PRSS22: variants seen among roughly 807,000 people sequenced by gnomAD.
The protein encoded by PRSS22 is brain-specific serine protease 4.
PRSS22 carries 26 observed loss-of-function variants against 28.0 expected under a neutral mutation model. That is an observed-to-expected ratio of 0.93 (90% CI 0.68 to 1.29). The LOEUF (loss-of-function observed/expected upper bound fraction) is 1.29, where lower values mean the gene tolerates loss of function less well. Among genes scored for constraint, PRSS22 ranks in the 50% most tolerant of loss-of-function variants. The probability of loss-of-function intolerance (pLI) is 0.00; values close to 1 mark genes in which losing one functional copy is unlikely to be tolerated. For missense variants in PRSS22, 444 were observed against 422.1 expected, an observed-to-expected ratio of 1.05 and a Z score of -0.46; for synonymous variants, 217 against 177.9, an observed-to-expected ratio of 1.22 and a Z score of -1.75.
intron 1 of PRSS22, 112 bp downstream of exon 1, chr16:2,857,911 G>T: frequency 1.3e-6 from 1 of 744,492 alleles, no homozygotes; most frequent in Non-Finnish European, 1.8e-6. Flanking sequence ...AAACAGAGCA[G>T]AAGCGGAAAG....
In PRSS22 at chr16:2,855,696, C is replaced by T. The variant is rs546187548; in HGVS notation, c.437G>A (p.Arg146His). 1.1e-4 allele frequency: 181 copies of T among 1,614,222 alleles called. 2 individuals carry two copies. The East Asian group carries it at 1.9e-3, about 17-fold the overall frequency. The change falls in exon 4 of 6, where the codon CGT (arginine) becomes CAT (histidine). Residue 146 changes from arginine to histidine, a missense_variant. Arg to His is a conservative substitution (Grantham distance 29, BLOSUM62 0). Coordinates refer to ENST00000161006, the MANE Select transcript of PRSS22 (RefSeq NM_022119.4). ...EGACADIALV[R>H]LERSIQFSER... ...TGAGAACTGTATGGAGCGCTCGAGA[C>T]GCACCAGGGCAATGTCTGCACAGGC...
At chr16:2,856,525 G>T (rs141809443) in intron 2 of PRSS22, among the ~76,000 whole-genome samples, 344 of 151,840 alleles carry the variant, frequency 2.3e-3, no homozygotes, top group Non-Finnish European at 3.8e-3. Context: ...TCCTCACCTG[G>T]CCCTGGCCTT....
In PRSS22 at chr16:2,853,577, T is replaced by C. The variant is rs1433002610; in HGVS notation, c.718-248A>G. Among the ~76,000 whole-genome samples the C allele has an allele frequency of 6.6e-6, 1 of 152,198 alleles. No individual in the cohort carries two copies. The highest frequency in any genetic ancestry group is 1.5e-5 in the Non-Finnish European group (1 of 68,024). ...ATCTGACCGTCTTCCAGACAGCCCC[T>C]GAGCTACAGCTGGCTCTGGGCACTG... On this transcript the variant is annotated intron_variant, in intron 5 of 5. Coordinates refer to ENST00000161006, the MANE Select transcript of PRSS22 (RefSeq NM_022119.4). This position sits in a 1 kb window ranked among gnomAD's most constrained non-coding sequence, Gnocchi z 4.6.
In PRSS22 at chr16:2,853,328, C is replaced by T; in HGVS notation, c.719G>A (p.Gly240Asp). 1 of 1,594,776 alleles carries T rather than the reference C, an allele frequency of 6.3e-7. No homozygotes were observed. Among genetic ancestry groups the T allele is most frequent in the Admixed American group, 1.7e-5 (1 of 59,356 alleles). Residue 240 changes from glycine to aspartate, a missense_variant and splice_region_variant, in exon 6 of 6, where the codon GGC (glycine) becomes GAC (aspartate). Gly to Asp is a moderately conservative substitution (Grantham distance 94). Transcript: ENST00000161006. This position sits in a 1 kb window ranked among gnomAD's most constrained non-coding sequence, Gnocchi z 4.6. The stretch of plus-strand genomic sequence containing the variant: ...GCACATGAGGGGGCCCCCGGAGTCG[C>T]CCTGCAGAGAGGAGGCGAGGTTAGG... ...YLEGERDACL[G>D]DSGGPLMCQV... is the part of the protein sequence containing the mutation.
intron 1 of PRSS22, chr16:2,857,713 C>G: frequency 3.8e-6 from 1 of 262,116 alleles, no homozygotes; most frequent in Admixed American, 5.5e-5. Context: ...CAACACAAAA[C>G]GGTGCTTCCC....
Position 2,856,069 on chromosome 16 carries a change from C to G in PRSS22, c.281+13G>C, listed in dbSNP as rs374618225. 1 of 1,611,190 alleles carries G rather than the reference C, an allele frequency of 6.2e-7. No individual in the cohort carries two copies. Among genetic ancestry groups the G allele is most frequent in the Non-Finnish European group, 8.5e-7 (1 of 1,178,026 alleles). On this transcript the variant is annotated intron_variant, in intron 3 of 5. Transcript: ENST00000161006. ...CCTTAGAAGATCAAGTGCCCCAGGCCGGCTGTACATACTCCTTGAAACAGT... is the reference window on the plus strand; with the variant it reads ...CCTTAGAAGATCAAGTGCCCCAGGCGGGCTGTACATACTCCTTGAAACAGT...
chr16:2,853,144 AC>A lies in PRSS22; in HGVS notation c.902del (p.Gly301ValfsTer113), dbSNP rs1321112076. ...CCTGGCTCGGTGCCCTGAGGGCCCC[AC>A]CCCCCTGAGCGCGCCCGCGGAGCTG... ...GVQLRGRAQG[G>X]GALRAPSQGS... On this transcript the variant is annotated frameshift_variant, in exon 6 of 6. Transcript: ENST00000161006. LOFTEE classifies it low-confidence loss of function (END_TRUNC). This position sits in a 1 kb window ranked among gnomAD's most constrained non-coding sequence, Gnocchi z 4.6. The A allele has an allele frequency of 3.8e-6, 6 of 1,597,068 alleles. No individual in the cohort carries two copies. Among genetic ancestry groups the A allele is most frequent in the African/African-American group, 1.3e-5 (1 of 74,704 alleles).
chr16:2,856,455 T>C (rs113072074), intron 2 of PRSS22, among the ~76,000 whole-genome samples: 1 of 151,570 alleles, frequency 6.6e-6, no homozygotes, highest in East Asian at 1.9e-4. Context: ...GCTCCACCCA[T>C]ACCCCAAGCT....
In PRSS22 at chr16:2,852,796, T is replaced by G; in HGVS notation, c.*297A>C. On this transcript the variant is annotated 3_prime_UTR_variant, in exon 6 of 6. Coordinates refer to ENST00000161006, the MANE Select transcript of PRSS22 (RefSeq NM_022119.4). ...ATATGTGGGCAGGGTTACAAATACC[T>G]ATAAAAATCATTAACATTTATATAC... 2.4e-6 allele frequency: 1 copy of G among 421,320 alleles called. No homozygotes were observed. Among genetic ancestry groups the G allele is most frequent in the Non-Finnish European group, 4.2e-6 (1 of 239,174 alleles). The allele number at this position is 421,320 out of a possible 1,614,324, so 26.1% of individuals were successfully genotyped here. A position where few individuals can be genotyped will look rare whatever the true frequency, so the allele number is the denominator to read the frequency against.
At chr16:2,857,011 G>A in intron 1 of PRSS22, 163 bp from the exon 2 acceptor site, 1 of 798,636 alleles carries the variant, frequency 1.3e-6, no homozygotes. Context: ...GGGTCCCTCA[G>A]CGCCCAGTGA....
rs925666449 is a variant in PRSS22, at chr16:2,854,289, C to T, written c.560-267G>A. The T allele has an allele frequency of 6.1e-5, 26 of 423,682 alleles. No individual in the cohort carries two copies. The South Asian group carries it at 8.2e-4, about 13-fold the overall frequency. 26.2% of individuals were successfully genotyped at this position (423,682 alleles called of 1,614,324 possible). ...ATATCCACAGATGGTTAGAGCCCTT[C>T]CTGTCTCAGATACTGCATTACTTCA... On this transcript the variant is annotated intron_variant, in intron 4 of 5. Coordinates refer to ENST00000161006, the MANE Select transcript of PRSS22 (RefSeq NM_022119.4).
In PRSS22 at chr16:2,856,836, G is replaced by T. The variant is rs1284570365; in HGVS notation, c.95C>A (p.Ala32Glu). The change falls in exon 2 of 6, where the codon GCG becomes GAG. Residue 32 changes from alanine to glutamate, a missense_variant. Physicochemically the swap from Ala to Glu is moderately radical, Grantham distance 107. Transcript: ENST00000161006. ...GCTCCACTCACCAGGTATCCTGGCCGCATTGAGGATGGCTGAGGGCAAGAG... is the reference window on the plus strand; with the variant it reads ...GCTCCACTCACCAGGTATCCTGGCCTCATTGAGGATGGCTGAGGGCAAGAG... ...LLLASTAILN[A>E]ARIPVPPACG... 2.6e-6 allele frequency: 4 copies of T among 1,551,854 alleles called. No individual in the cohort carries two copies. The highest frequency in any genetic ancestry group is 1.2e-5 in the South Asian group (1 of 84,064).
intron 3 of PRSS22, 55 bp from the exon 4 acceptor site, chr16:2,855,906 TG>T (rs146913664): frequency 1.3e-6 from 2 of 1,572,894 alleles, no homozygotes; most frequent in East Asian, 2.3e-5. Context: ...AGGAGGTACC[TG>T]GGGGAACAGC....
At position 2,857,924 on chromosome 16, in the gene PRSS22, G is replaced by A. The variant is rs1364707837; in HGVS notation, c.82+99C>T. On this transcript the variant is annotated intron_variant, in intron 1 of 5. Coordinates refer to ENST00000161006, the MANE Select transcript of PRSS22 (RefSeq NM_022119.4). Reference sequence around the variant, plus strand: ...ATAAACAGAGCAGAAGCGGAAAGGAGATGAGAGAGGCAAGGCCAGGAGGGA... The same window carrying A: ...ATAAACAGAGCAGAAGCGGAAAGGAAATGAGAGAGGCAAGGCCAGGAGGGA... 17 of 870,448 alleles carry A rather than the reference G, an allele frequency of 2.0e-5. No individual in the cohort carries two copies. In the East Asian group the frequency reaches 5.7e-4, roughly 29 times the overall value. The allele number at this position is 870,448 out of a possible 1,614,324, so 53.9% of individuals were successfully genotyped here.
rs768430637 is a variant in PRSS22, at chr16:2,853,856, G to A, written c.717+9C>T. 10 of 1,613,570 alleles carry A rather than the reference G, an allele frequency of 6.2e-6. No individual in the cohort carries two copies. The South Asian group carries it at 8.8e-5, about 14-fold the overall frequency. On this transcript the variant is annotated intron_variant, in intron 5 of 5. Coordinates refer to ENST00000161006, the MANE Select transcript of PRSS22 (RefSeq NM_022119.4). The surrounding 1 kb of genome is among the most constrained non-coding windows in gnomAD (Gnocchi z 4.6). Reference sequence around the variant, plus strand: ...CCTGGCCAGGGGTGGGGGGCTCGAGGGAGCTCACCAGACAAGCATCCCGCT... The same window carrying A: ...CCTGGCCAGGGGTGGGGGGCTCGAGAGAGCTCACCAGACAAGCATCCCGCT...
At position 2,853,024 on chromosome 16, in the gene PRSS22, C is replaced by T; in HGVS notation, c.*69G>A. On this transcript the variant is annotated 3_prime_UTR_variant, in exon 6 of 6. Coordinates refer to ENST00000161006, the MANE Select transcript of PRSS22 (RefSeq NM_022119.4). The surrounding 1 kb of genome is among the most constrained non-coding windows in gnomAD (Gnocchi z 4.6). ...TACGGCGGGGGAAACCGCCCGAGGC[C>T]GCCGCAGATCCAGATCCAGATGTGG... 1.8e-6 allele frequency: 2 copies of T among 1,092,004 alleles called. No individual in the cohort carries two copies. Among genetic ancestry groups the T allele is most frequent in the African/African-American group, 1.6e-5 (1 of 61,344 alleles). The allele number at this position is 1,092,004 out of a possible 1,614,324, so 67.6% of individuals were successfully genotyped here. A position where few individuals can be genotyped will look rare whatever the true frequency, so the allele number is the denominator to read the frequency against.
Position 2,855,347 on chromosome 16 carries a change from C to CAAA in PRSS22, c.559+224_559+226dup, listed in dbSNP as rs33950878. Among the ~76,000 whole-genome samples, 104 of 68,996 alleles carry CAAA rather than the reference C, an allele frequency of 1.5e-3. 3 individuals are homozygous for CAAA. Among genetic ancestry groups the CAAA allele is most frequent in the African/African-American group, 5.4e-3 (86 of 15,832 alleles). The allele number at this position is 68,996 out of a possible 152,430, so 45.3% of individuals were successfully genotyped here. A position where few individuals can be genotyped will look rare whatever the true frequency, so the allele number is the denominator to read the frequency against. ...TGGGTGACAGAGTAACACCCTGTCT[C>CAAA]AAAAAAAAAAAAAAAAAAAAGAAGA... On this transcript the variant is annotated intron_variant, in intron 4 of 5. Transcript: ENST00000161006.
Position 2,853,177 on chromosome 16 carries a change from T to A in PRSS22, c.870A>T (p.Gln290His), listed in dbSNP as rs757697995. 3.1e-6 allele frequency: 5 copies of A among 1,599,416 alleles called. No homozygotes were observed. The African/African-American group carries it at 6.7e-5, about 21-fold the overall frequency. ...AHRSWVEKIV[Q>H]GVQLRGRAQG... ...GAGCGCGCCCGCGGAGCTGCACCCC[T>A]TGCACGATCTTCTCCACCCAGGAGC... The change falls in exon 6 of 6, where the codon CAA becomes CAT. Residue 290 changes from glutamine (Q) to histidine (H), a missense_variant. Transcript: ENST00000161006. This position sits in a 1 kb window ranked among gnomAD's most constrained non-coding sequence, Gnocchi z 4.6.
At position 2,853,242 on chromosome 16, in the gene PRSS22, G is replaced by A. The variant is rs775712273; in HGVS notation, c.805C>T (p.Arg269Cys). Reference sequence around the variant, plus strand: ...CTGATGTAGACCCCGGGCCTGTTGCGCTCGGCACAGCCCTCGCCCCAGCTG... The same window carrying A: ...CTGATGTAGACCCCGGGCCTGTTGCACTCGGCACAGCCCTCGCCCCAGCTG... ...IISWGEGCAE[R>C]NRPGVYISLS... is the part of the protein sequence containing the mutation. The change falls in exon 6 of 6, where the codon CGC (arginine) becomes TGC (cysteine). Residue 269 changes from arginine (R) to cysteine (C), a missense_variant. By Grantham distance (180) the Arg-to-Cys change is radical (BLOSUM62 -3). Transcript: ENST00000161006. This position sits in a 1 kb window ranked among gnomAD's most constrained non-coding sequence, Gnocchi z 4.6. 1 of 1,600,782 alleles carries A rather than the reference G, an allele frequency of 6.2e-7. No homozygotes were observed. The highest frequency in any genetic ancestry group is 1.7e-5 in the Admixed American group (1 of 59,992).
Sources: allele counts gnomAD v4.1 joint callset (sites outside exome capture counted in the v4.1 genomes callset), GRCh38; gene constraint gnomAD v4.1.1; non-coding constraint Gnocchi (gnomAD v3.1); transcripts MANE v1.5; gene names NCBI Gene and HGNC (gene_info 2026-07-23, HGNC 2026-07-21).